Variants in PDE10A observed in about 807,000 individuals in gnomAD.
The protein encoded by PDE10A is phosphodiesterase 10A.
In PDE10A, 39 loss-of-function variants were observed where a neutral mutation model predicts 97.7. The ratio of observed to expected loss-of-function variants is 0.40; its 90% CI spans 0.31 to 0.52. The LOEUF is 0.52. Ranked by LOEUF, PDE10A falls within the 20% of genes least tolerant of loss-of-function variation. The pLI, the probability that PDE10A is intolerant of heterozygous loss-of-function variation, is 0.56. For synonymous variants in PDE10A, 371 were observed against 376.8 expected (o/e 0.98, Z 0.18); for missense variants, 731 against 1,047.8 (o/e 0.70, Z 4.17).
rs149313134 is a variant in PDE10A at position 165,352,961 on chromosome 6, C to T, written c.2784-9459G>A. On this transcript the variant is annotated intron_variant, in intron 18 of 21. Coordinates refer to ENST00000539869, the MANE Select transcript of PDE10A (RefSeq NM_001385079.1). Reference sequence around the variant, plus strand: ...AGGCATATCTGATCAAAGACTGTTACCACAAATATACAAAGAACCCTCAAA... The same window carrying T: ...AGGCATATCTGATCAAAGACTGTTATCACAAATATACAAAGAACCCTCAAA... Among the ~76,000 whole-genome samples the T allele has an allele frequency of 7.5e-3, 1,136 of 152,092 alleles. 12 individuals carry two copies. Among genetic ancestry groups the T allele is most frequent in the African/African-American group, 0.026 (1,069 of 41,504 alleles).
At chr6:165,607,616 C>T (rs1488663322) in intron 1 of PDE10A, among the ~76,000 whole-genome samples, 2 of 152,126 alleles carry the variant, frequency 1.3e-5, no homozygotes, top group Admixed American at 6.5e-5. Flanking sequence ...TATCATTAAG[C>T]GACACATAAC....
At chr6:165,898,107 A>AC (rs1455766635) in intron 1 of PDE10A, among the ~76,000 whole-genome samples, 1 of 104,824 alleles carries the variant, frequency 9.5e-6, no homozygotes, top group African/African-American at 3.9e-5. Context: ...GTCCCCCTCC[A>AC]CCCCCCATGA....
intron 1 of PDE10A, among the ~76,000 whole-genome samples, chr6:165,767,249 G>A (rs1777878415): frequency 6.6e-6 from 1 of 152,206 alleles, no homozygotes. Context: ...AGTTGTTTAT[G>A]TAAATGTATA....
chr6:165,607,969 A>G (rs1159315418), intron 1 of PDE10A, among the ~76,000 whole-genome samples: 1 of 151,954 alleles, frequency 6.6e-6, no homozygotes, highest in Non-Finnish European at 1.5e-5. Flanking sequence ...TCTGAGCTGC[A>G]TGATGAGATG....
intron 1 of PDE10A, among the ~76,000 whole-genome samples, chr6:165,656,703 C>T (rs1012163504): frequency 6.6e-6 from 1 of 152,184 alleles, no homozygotes; most frequent in African/African-American, 2.4e-5. Context: ...TTCCCTTGGC[C>T]TCAGAAGGTC....
At chr6:165,467,968 C>T (rs1045524682) in intron 3 of PDE10A, among the ~76,000 whole-genome samples, 1 of 152,190 alleles carries the variant, frequency 6.6e-6, no homozygotes, top group East Asian at 1.9e-4. Flanking sequence ...AATGCTGATA[C>T]ATCAGAAGCC....
intron 1 of PDE10A, among the ~76,000 whole-genome samples, chr6:165,561,962 A>G (rs1365119372): frequency 1.3e-5 from 2 of 152,186 alleles, no homozygotes. Flanking sequence ...TTAAATCATT[A>G]AATTTGAATT....
chr6:165,662,733 G>T lies in PDE10A; in HGVS notation c.79C>A (p.Pro27Thr), dbSNP rs1485006833. 6.8e-6 allele frequency among the ~76,000 whole-genome samples: 1 copy of T among 147,986 alleles called. No homozygotes were observed. The highest frequency in any genetic ancestry group is 1.5e-5 in the Non-Finnish European group (1 of 66,536). Residue 27 changes from proline (P) to threonine (T), a missense_variant, in exon 1 of 22, where the codon CCC (proline) becomes ACC (threonine). Transcript: ENST00000539869. ...CGGGGTTCCGGGCGGAGTTTGCCGG[G>T]GCCGCAGCCCGGCTCGTCCCCGGCC... Reference protein sequence around the residue: ...PAAGDEPGCGPGKLRPEPRLS... With the variant: ...PAAGDEPGCGTGKLRPEPRLS...
intron 1 of PDE10A, among the ~76,000 whole-genome samples, chr6:165,603,874 C>G (rs1263953995): frequency 1.3e-5 from 2 of 152,224 alleles, no homozygotes; most frequent in Non-Finnish European, 2.9e-5. Context: ...TATGCAACAA[C>G]TGAATACCCA....
rs1219089089 is a variant in PDE10A at position 165,943,257 on chromosome 6, AGG to A, written c.-615+44270_-615+44271del. ...AAAGAAGGAAGGAAGGAAGGAAGGA[AGG>A]AAGGAAGGAAGGAAGGAAAGAAAGA... On this transcript the variant is annotated intron_variant, in intron 1 of 19. Transcript: ENST00000366882. Among the ~76,000 whole-genome samples, 119 of 112,558 alleles carry A rather than the reference AGG, an allele frequency of 1.1e-3. 1 individual carries two copies. Among genetic ancestry groups the A allele is most frequent in the Middle Eastern group, 4.1e-3 (1 of 244 alleles). The allele number at this position is 112,558 out of a possible 152,430, so 73.8% of individuals were successfully genotyped here.
rs150498077 is a variant in PDE10A, at chr6:165,824,333, A to G, written c.-615+163196T>C. On this transcript the variant is annotated intron_variant, in intron 1 of 19. Coordinates refer to the PDE10A transcript ENST00000366882. ...AAACAAAAATTCAACAAAAAGTTCAATCCCCAAATATCAGATAGCATGTCG... is the reference window on the plus strand; with the variant it reads ...AAACAAAAATTCAACAAAAAGTTCAGTCCCCAAATATCAGATAGCATGTCG... 7.7e-4 allele frequency among the ~76,000 whole-genome samples: 117 copies of G among 152,370 alleles called. 1 individual carries two copies. Among genetic ancestry groups the G allele is most frequent in the African/African-American group, 2.6e-3 (109 of 41,590 alleles).
Position 165,661,992 on chromosome 6 carries a change from T to A in PDE10A, c.820A>T (p.Asn274Tyr). ...GTCAGCCTTCGGAAGCAGCTCGCAT[T>A]ATTAGAAGGTCCATCTTCCATGTCG... is the stretch of plus-strand genomic sequence containing the variant. ...GSDMEDGPSN[N>Y]ASCFRRLTEC... Residue 274 changes from asparagine (N) to tyrosine (Y), a missense_variant, in exon 1 of 22, where the codon AAT becomes TAT. Asn to Tyr is a moderately radical substitution (Grantham distance 143). Transcript: ENST00000539869. The surrounding 1 kb of genome is among the most constrained non-coding windows in gnomAD (Gnocchi z 4.8). 1 of 1,403,776 alleles carries A rather than the reference T, an allele frequency of 7.1e-7. No individual in the cohort carries two copies. Among genetic ancestry groups the A allele is most frequent in the African/African-American group, 1.5e-5 (1 of 68,710 alleles). The allele number at this position is 1,403,776 out of a possible 1,614,324, so 87.0% of individuals were successfully genotyped here.
intron 1 of PDE10A, among the ~76,000 whole-genome samples, chr6:165,544,410 T>A (rs1009107462): frequency 6.6e-6 from 1 of 152,214 alleles, no homozygotes; most frequent in Non-Finnish European, 1.5e-5. Flanking sequence ...ATATAAAGTA[T>A]ATGTTTTCAA....
At chr6:165,607,568 G>A (rs1279241609) in intron 1 of PDE10A, among the ~76,000 whole-genome samples, 1 of 152,074 alleles carries the variant, frequency 6.6e-6, no homozygotes, top group African/African-American at 2.4e-5. Flanking sequence ...CACACCATCA[G>A]GACGTCACCT....
intron 1 of PDE10A, among the ~76,000 whole-genome samples, chr6:165,926,944 T>C (rs562522330): frequency 6.6e-6 from 1 of 152,268 alleles, no homozygotes; most frequent in Admixed American, 6.5e-5. Context: ...GTTTACTTAC[T>C]ATAGAAACAA....
intron 1 of PDE10A, among the ~76,000 whole-genome samples, chr6:165,937,604 A>G (rs1237372148): frequency 6.6e-6 from 1 of 152,242 alleles, no homozygotes; most frequent in Non-Finnish European, 1.5e-5. Context: ...GCTAGAGAGT[A>G]CTTGGCACAT....
chr6:165,791,208 C>G (rs765840173), intron 1 of PDE10A, among the ~76,000 whole-genome samples: 1 of 151,816 alleles, frequency 6.6e-6, no homozygotes, highest in Non-Finnish European at 1.5e-5. Flanking sequence ...CTTGGCCTCC[C>G]GAAGCGTTGG....
chr6:165,693,670 T>TTAG (rs1441087010), intron 1 of PDE10A, among the ~76,000 whole-genome samples: 2 of 152,204 alleles, frequency 1.3e-5, no homozygotes, highest in African/African-American at 4.8e-5. Flanking sequence ...TAAGAGCTGT[T>TTAG]TAGTAATTGG....
intron 1 of PDE10A, among the ~76,000 whole-genome samples, chr6:165,619,337 G>A (rs1399304306): frequency 1.5e-5 from 2 of 134,946 alleles, no homozygotes; most frequent in Non-Finnish European, 3.0e-5. Context: ...GTGTAGTGTA[G>A]TGTAGTCTAG....
Sources: allele counts gnomAD v4.1 joint callset (sites outside exome capture counted in the v4.1 genomes callset), GRCh38; gene constraint gnomAD v4.1.1; non-coding constraint Gnocchi (gnomAD v3.1); transcripts MANE v1.5; gene names NCBI Gene and HGNC (gene_info 2026-07-23, HGNC 2026-07-21).